COL24A1: variants seen among roughly 807,000 people sequenced by gnomAD.
COL24A1 encodes collagen type XXIV alpha 1 chain, also known as collagen alpha-1(XXIV) chain.
In COL24A1, 224 loss-of-function variants were observed where a neutral mutation model predicts 253.9. The observed-to-expected ratio is 0.88, with a 90% confidence interval of 0.79 to 0.99. The LOEUF is 0.99. COL24A1 is among the 50% of genes least tolerant of loss of function. The probability of loss-of-function intolerance (pLI) is 0.00; values close to 1 mark genes in which losing one functional copy is unlikely to be tolerated. For missense variants in COL24A1, 2,131 were observed against 2,068.5 expected, an observed-to-expected ratio of 1.03 and a Z score of -0.59; for synonymous variants, 685 against 673.7, an observed-to-expected ratio of 1.02 and a Z score of -0.26.
chr1:85,882,313 A>T lies in COL24A1; in HGVS notation c.2977-5138T>A, dbSNP rs186545086. 1.8e-4 allele frequency among the ~76,000 whole-genome samples: 28 copies of T among 152,180 alleles called. No homozygotes were observed. The East Asian group carries it at 4.8e-3, about 26-fold the overall frequency. On this transcript the variant is annotated intron_variant, in intron 32 of 59. Coordinates refer to ENST00000370571, the MANE Select transcript of COL24A1 (RefSeq NM_152890.7). ...ACCCGTCTCTACTAAAAATACAAAA[A>T]ATTAGCCGGGCATGGTGGCGGGCGC...
chr1:86,052,724 T>A (rs1700402403), intron 10 of COL24A1, among the ~76,000 whole-genome samples: 1 of 152,042 alleles, frequency 6.6e-6, no homozygotes, highest in South Asian at 2.1e-4. Flanking sequence ...GGTTTATACA[T>A]GGAAAAAATT....
intron 12 of COL24A1, among the ~76,000 whole-genome samples, chr1:86,040,908 T>C (rs950809286): frequency 2.0e-5 from 3 of 152,128 alleles, no homozygotes; most frequent in African/African-American, 2.4e-5. Context: ...CTCTAAATTC[T>C]CCACAAAATG....
chr1:85,784,422 C>T lies in COL24A1; in HGVS notation c.4060-56G>A, dbSNP rs998630662. ...ACATCAGAACATATAAACATATTGG[C>T]TTTTGAATGAAACCCAAATACAGGC... On this transcript the variant is annotated intron_variant, in intron 48 of 59. Transcript: ENST00000370571. 14 of 1,341,408 alleles carry T rather than the reference C, an allele frequency of 1.0e-5. No individual in the cohort carries two copies. The East Asian group carries it at 1.4e-4, about 13-fold the overall frequency. 83.1% of individuals were successfully genotyped at this position (1,341,408 alleles called of 1,614,324 possible). A position where few individuals can be genotyped will look rare whatever the true frequency, so the allele number is the denominator to read the frequency against.
chr1:85,968,540 T>G (rs1333532859), intron 22 of COL24A1, among the ~76,000 whole-genome samples: 1 of 152,196 alleles, frequency 6.6e-6, no homozygotes, highest in Non-Finnish European at 1.5e-5. Context: ...AGCAAAGAAC[T>G]GAAAACCATC....
In COL24A1 at chr1:85,795,326, T is replaced by C. The variant is rs1220417795; in HGVS notation, c.3952-8865A>G. Among the ~76,000 whole-genome samples the C allele has an allele frequency of 2.6e-5, 4 of 152,236 alleles. No homozygotes were observed. The East Asian group carries it at 5.8e-4, about 22-fold the overall frequency. ...ATGATGATTACTTATTTGTACATAATAGTGAAACATACCAAAGAAAGTGTC... is the reference window on the plus strand; with the variant it reads ...ATGATGATTACTTATTTGTACATAACAGTGAAACATACCAAAGAAAGTGTC... On this transcript the variant is annotated intron_variant, in intron 47 of 59. Transcript: ENST00000370571.
At chr1:85,814,667 A>T (rs190051420) in intron 47 of COL24A1, among the ~76,000 whole-genome samples, 1 of 152,296 alleles carries the variant, frequency 6.6e-6, no homozygotes, top group Admixed American at 6.5e-5. Flanking sequence ...TTTATAATCC[A>T]TATCAATGTT....
intron 24 of COL24A1, among the ~76,000 whole-genome samples, chr1:85,940,091 C>A (rs1688600574): frequency 1.3e-5 from 2 of 152,122 alleles, no homozygotes; most frequent in Admixed American, 6.6e-5. Flanking sequence ...ACAAACCCTG[C>A]ATTCATTAAC....
chr1:85,846,864 A>G (rs1306367994), intron 39 of COL24A1, among the ~76,000 whole-genome samples: 1 of 152,094 alleles, frequency 6.6e-6, no homozygotes, highest in East Asian at 1.9e-4. Flanking sequence ...CCAGTAAGGA[A>G]TAGAATACCG....
At chr1:86,026,070 G>T (rs566565905) in intron 14 of COL24A1, among the ~76,000 whole-genome samples, 1 of 152,252 alleles carries the variant, frequency 6.6e-6, no homozygotes, top group East Asian at 1.9e-4. Flanking sequence ...GCCAAAAATA[G>T]GAATTTTAAC....
At chr1:85,790,093 T>C (rs901347795) in intron 47 of COL24A1, among the ~76,000 whole-genome samples, 5 of 152,204 alleles carry the variant, frequency 3.3e-5, no homozygotes, top group Non-Finnish European at 5.9e-5. Flanking sequence ...GTCTCTTCTT[T>C]TCAATTGTTT....
chr1:85,973,528 A>G (rs760670282), intron 20 of COL24A1, among the ~76,000 whole-genome samples: 5 of 152,206 alleles, frequency 3.3e-5, no homozygotes, highest in Non-Finnish European at 7.3e-5. Flanking sequence ...GTAGATAAAA[A>G]TAAGCATACA....
chr1:85,976,073 A>G (rs1376030440), intron 20 of COL24A1, among the ~76,000 whole-genome samples: 5 of 152,126 alleles, frequency 3.3e-5, no homozygotes, highest in African/African-American at 7.2e-5. Context: ...AAAGATTCCA[A>G]CTGAACTTTG....
intron 14 of COL24A1, 116 bp from the exon 15 acceptor site, chr1:86,023,123 C>T (rs896725008): frequency 1.7e-4 from 136 of 815,722 alleles, no homozygotes; most frequent in South Asian, 5.1e-4. Context: ...AGCTCCTACA[C>T]GTGCCTTGTT....
chr1:85,765,925 A>C (rs1050512700), intron 53 of COL24A1, among the ~76,000 whole-genome samples: 1 of 152,174 alleles, frequency 6.6e-6, no homozygotes, highest in Non-Finnish European at 1.5e-5. Flanking sequence ...TTCAGGTCTC[A>C]TAGAAAGTAG....
At chr1:86,123,523 G>C (rs1166878004) in intron 3 of COL24A1, among the ~76,000 whole-genome samples, 1 of 151,832 alleles carries the variant, frequency 6.6e-6, no homozygotes, top group African/African-American at 2.4e-5. Flanking sequence ...TTCCTGCTTT[G>C]CTTATAGCAG....
At chr1:85,864,854 T>A (rs1270813917) in intron 37 of COL24A1, among the ~76,000 whole-genome samples, 1 of 152,172 alleles carries the variant, frequency 6.6e-6, no homozygotes, top group Non-Finnish European at 1.5e-5. Flanking sequence ...GAGTTTATAG[T>A]TGCAAATCTG....
rs774839476 is a variant in COL24A1, at chr1:85,740,953, C to CAAAAAA, written c.4673-3454_4673-3449dup. 1.8e-4 allele frequency among the ~76,000 whole-genome samples: 15 copies of CAAAAAA among 83,032 alleles called. 1 individual carries two copies. In the South Asian group the frequency reaches 2.1e-3, roughly 12 times the overall value. The allele number at this position is 83,032 out of a possible 152,430, so 54.5% of individuals were successfully genotyped here. A position where few individuals can be genotyped will look rare whatever the true frequency, so the allele number is the denominator to read the frequency against. On this transcript the variant is annotated intron_variant, in intron 57 of 59. Coordinates refer to ENST00000370571, the MANE Select transcript of COL24A1 (RefSeq NM_152890.7). ...TGAAACCCTGTCTCTTCTAAAAATA[C>CAAAAAA]AAAAAAAAAAAAAAAATTAGCTGGG... is the stretch of plus-strand genomic sequence containing the variant.
intron 29 of COL24A1, 65 bp downstream of exon 29, chr1:85,896,291 A>G: frequency 7.1e-7 from 1 of 1,408,400 alleles, no homozygotes; most frequent in South Asian, 1.2e-5. Context: ...TGTTTTTTAG[A>G]CTAGTAGGAC....
chr1:85,797,208 A>AT lies in COL24A1; in HGVS notation c.3952-10748_3952-10747insA, dbSNP rs1491335481. Among the ~76,000 whole-genome samples the AT allele has an allele frequency of 3.5e-4, 20 of 56,772 alleles. No homozygotes were observed. In the South Asian group the frequency reaches 9.8e-3, roughly 28 times the overall value. The allele number at this position is 56,772 out of a possible 152,430, so 37.2% of individuals were successfully genotyped here. A position where few individuals can be genotyped will look rare whatever the true frequency, so the allele number is the denominator to read the frequency against. On this transcript the variant is annotated intron_variant, in intron 47 of 59. Coordinates refer to ENST00000370571, the MANE Select transcript of COL24A1 (RefSeq NM_152890.7). ...GGGCGACAGAGCGAGACTCCGTCTCAAAAAAAAAAAAAAAAAAAAAAAGAA... is the reference window on the plus strand; with the variant it reads ...GGGCGACAGAGCGAGACTCCGTCTCATAAAAAAAAAAAAAAAAAAAAAAGAA...
Sources: allele counts gnomAD v4.1 joint callset (sites outside exome capture counted in the v4.1 genomes callset), GRCh38; gene constraint gnomAD v4.1.1; transcripts MANE v1.5; gene names NCBI Gene and HGNC (gene_info 2026-07-23, HGNC 2026-07-21).